The following PDE12 variants were observed in gnomAD, a reference collection of about 807,000 sequenced individuals.
PDE12 encodes the protein phosphodiesterase 12.
Under a neutral mutation model 45.4 loss-of-function variants are expected in PDE12, and 26 were observed. The ratio of observed to expected loss-of-function variants is 0.57; its 90% CI spans 0.42 to 0.79. The LOEUF (loss-of-function observed/expected upper bound fraction) is 0.79, where lower values mean the gene tolerates loss of function less well. Among genes scored for constraint, PDE12 ranks in the 30% least tolerant of loss-of-function variants. The pLI, the probability that PDE12 is intolerant of heterozygous loss-of-function variation, is 0.00. For synonymous variants in PDE12, 283 were observed against 323.9 expected (o/e 0.87, Z 1.36); for missense variants, 668 against 790.0 (o/e 0.85, Z 1.85).
At chr3:57,643,209 T>A in the PDE12 span, among the ~76,000 whole-genome samples, 3 of 152,094 alleles carry the variant, frequency 2.0e-5, no homozygotes, top group Non-Finnish European at 4.4e-5. Flanking sequence ...TAAAATTTAA[T>A]GTGGGGCATG....
At chr3:57,637,828 T>C in the PDE12 span, among the ~76,000 whole-genome samples, 110,963 of 148,046 alleles carry the variant, frequency 0.75, 43,561 homozygotes, top group East Asian at 1. Flanking sequence ...TAAATAAGAC[T>C]ATTAAATTAT....
chr3:57,558,928 A>G (rs1020118919), intron 1 of PDE12, among the ~76,000 whole-genome samples: 1 of 151,952 alleles, frequency 6.6e-6, no homozygotes. Flanking sequence ...CATTAGTCTT[A>G]GATAAAAAAC....
At chr3:57,602,515 A>C in the PDE12 span, among the ~76,000 whole-genome samples, 13 of 152,264 alleles carry the variant, frequency 8.5e-5, no homozygotes, top group African/African-American at 2.4e-4. Context: ...CAACAACTCA[A>C]GCTCTCTGCC....
At chr3:57,619,791 A>C in the PDE12 span, among the ~76,000 whole-genome samples, 1 of 152,004 alleles carries the variant, frequency 6.6e-6, no homozygotes, top group African/African-American at 2.4e-5. Flanking sequence ...CAGAGGTTGC[A>C]GTGAGCCAAG....
chr3:57,591,470 T>C, the PDE12 span, among the ~76,000 whole-genome samples: 1 of 145,298 alleles, frequency 6.9e-6, no homozygotes, highest in East Asian at 2.0e-4. Context: ...TCTTTTCTTT[T>C]CTTTTTTTTT....
chr3:57,632,745 CA>C, the PDE12 span, among the ~76,000 whole-genome samples: 2 of 152,256 alleles, frequency 1.3e-5, no homozygotes, highest in Admixed American at 1.3e-4. Context: ...GAATTTCTTA[CA>C]ATAACCACAT....
the PDE12 span, chr3:57,575,455 A>C: frequency 7.9e-7 from 1 of 1,258,508 alleles, no homozygotes. Context: ...TGTCCAAAGG[A>C]GATAATAAAT....
downstream of PDE12, among the ~76,000 whole-genome samples, chr3:57,570,376 CTTTTT>C (rs1241352591): frequency 3.1e-5 from 4 of 128,920 alleles, 1 homozygote; most frequent in South Asian, 1.0e-3. Context: ...ACACCAGACC[CTTTTT>C]TTTTTTTTTT....
the PDE12 span, among the ~76,000 whole-genome samples, chr3:57,573,699 A>G: frequency 1.3e-5 from 2 of 150,836 alleles, no homozygotes; most frequent in Admixed American, 1.3e-4. Flanking sequence ...TCGTGCCTTC[A>G]GCCTCCCAAG....
At chr3:57,645,592 C>A in the PDE12 span, 2 of 1,193,474 alleles carry the variant, frequency 1.7e-6, no homozygotes, top group South Asian at 1.5e-5. Context: ...GCTTTTATTA[C>A]CAAAAATAAT....
chr3:57,607,730 T>C, the PDE12 span, among the ~76,000 whole-genome samples: 8 of 152,122 alleles, frequency 5.3e-5, no homozygotes, highest in Non-Finnish European at 1.2e-4. Context: ...TATGGGACTA[T>C]GTGAAAAGAC....
the PDE12 span, among the ~76,000 whole-genome samples, chr3:57,641,157 A>C: frequency 6.8e-6 from 1 of 146,260 alleles, no homozygotes. Flanking sequence ...TTGGGCTTTT[A>C]AATATATATA....
chr3:57,611,272 T>G, the PDE12 span, among the ~76,000 whole-genome samples: 1 of 152,082 alleles, frequency 6.6e-6, no homozygotes, highest in Non-Finnish European at 1.5e-5. Context: ...CCTAAAACCA[T>G]AAAAACCCTA....
chr3:57,583,317 TA>T, the PDE12 span, among the ~76,000 whole-genome samples: 1 of 152,204 alleles, frequency 6.6e-6, no homozygotes, highest in African/African-American at 2.4e-5. Context: ...TCAAGTCATC[TA>T]GGGGATGATC....
chr3:57,630,373 T>C, the PDE12 span: 1 of 1,482,236 alleles, frequency 6.7e-7, no homozygotes. Context: ...ATAATTATCT[T>C]TATTTTCAAC....
chr3:57,633,471 G>C, the PDE12 span: 2 of 819,988 alleles, frequency 2.4e-6, no homozygotes, highest in Non-Finnish European at 3.8e-6. Flanking sequence ...TAAAAAACTA[G>C]AACTTCACCT....
chr3:57,571,228 C>A (rs1257387001), downstream of PDE12: 5 of 152,242 alleles, frequency 3.3e-5, no homozygotes, highest in East Asian at 9.6e-4. Flanking sequence ...CAATCTAGAT[C>A]TCCACTTTAT....
the PDE12 span, chr3:57,654,832 A>C: frequency 4.3e-6 from 4 of 934,060 alleles, no homozygotes; most frequent in Admixed American, 2.5e-4. Context: ...CTTGGTGTAA[A>C]TCTATCACCT....
the PDE12 span, among the ~76,000 whole-genome samples, chr3:57,607,543 A>C: frequency 6.6e-6 from 1 of 152,180 alleles, no homozygotes; most frequent in African/African-American, 2.4e-5. Flanking sequence ...AGAAGTCCTT[A>C]AGTGACCTGA....
Sources: gnomAD v4.1 joint callset for allele counts (sites outside exome capture counted in the v4.1 genomes callset) on GRCh38, gnomAD v4.1.1 for gene constraint, MANE v1.5 for transcripts, NCBI Gene and HGNC (gene_info 2026-07-23, HGNC 2026-07-21) for gene names.